RPF1: variants seen among roughly 807,000 people sequenced by gnomAD.
RPF1 encodes the protein ribosome production factor 1.
A neutral mutation model predicts 41.9 loss-of-function variants in RPF1; 34 were observed. The observed-to-expected ratio is 0.81, with a 90% CI of 0.62 to 1.08. The LOEUF (loss-of-function observed/expected upper bound fraction) is 1.08, where lower values mean the gene tolerates loss of function less well. Ranked by LOEUF, RPF1 falls within the 50% of genes least tolerant of loss-of-function variation. The pLI, the probability that RPF1 is intolerant of heterozygous loss-of-function variation, is 0.00. For missense variants in RPF1, 425 were observed against 435.2 expected (o/e 0.98, Z 0.21); for synonymous variants, 140 against 148.9 (o/e 0.94, Z 0.43).
intron 3 of RPF1, among the ~76,000 whole-genome samples, chr1:84,486,203 A>T (rs537688999): frequency 6.6e-6 from 1 of 152,150 alleles, no homozygotes; most frequent in Non-Finnish European, 1.5e-5. Context: ...TATGATGAAG[A>T]AGAAAGACCA....
chr1:84,490,224 A>C, intron 4 of RPF1, 95 bp from the exon 5 acceptor site: 2 of 782,054 alleles, frequency 2.6e-6, no homozygotes. Context: ...TATTAATCAT[A>C]ATAATTATTA....
chr1:84,479,298 A>G lies in RPF1; in HGVS notation c.17A>G (p.Asp6Gly), dbSNP rs773687459. 4.4e-6 allele frequency: 7 copies of G among 1,604,190 alleles called. No individual in the cohort carries two copies. Among genetic ancestry groups the G allele is most frequent in the African/African-American group, 1.3e-5 (1 of 74,188 alleles). Reference sequence around the variant, plus strand: ...GCCAAGACCATGGCGAAAGCCGGGGATAAGAGCAGCAGCAGCGGGAAGAAA... The same window carrying G: ...GCCAAGACCATGGCGAAAGCCGGGGGTAAGAGCAGCAGCAGCGGGAAGAAA... MAKAG[D>G]KSSSSGKKSL... The change falls in exon 1 of 9, where the codon GAT becomes GGT. Residue 6 changes from aspartate (D) to glycine (G), a missense_variant. Coordinates refer to ENST00000370654, the MANE Select transcript of RPF1 (RefSeq NM_025065.7).
intron 1 of RPF1, among the ~76,000 whole-genome samples, chr1:84,480,709 T>C (rs1681628753): frequency 6.6e-6 from 1 of 152,230 alleles, no homozygotes; most frequent in Non-Finnish European, 1.5e-5. Flanking sequence ...ATTTTAAATG[T>C]TCAAACTTGC....
chr1:84,480,580 A>C (rs1570343273), intron 1 of RPF1, among the ~76,000 whole-genome samples: 1 of 152,256 alleles, frequency 6.6e-6, no homozygotes, highest in Non-Finnish European at 1.5e-5. Context: ...CAAGAGAAGC[A>C]AGCAGCATAA....
chr1:84,489,564 C>T lies in RPF1; in HGVS notation c.367-69C>T, dbSNP rs1269880461. ...TCAGTGTCCAACAGTCCTGCTGATG[C>T]TACTTTTAGAATTCTGGCCCAGTAG... On this transcript the variant is annotated intron_variant, in intron 3 of 8. Transcript: ENST00000370654. The T allele has an allele frequency of 7.0e-6, 6 of 853,820 alleles. No individual in the cohort carries two copies. In the African/African-American group the frequency reaches 8.3e-5, roughly 12 times the overall value. The allele number at this position is 853,820 out of a possible 1,614,324, so 52.9% of individuals were successfully genotyped here.
chr1:84,487,417 T>G (rs1681755475), intron 3 of RPF1, among the ~76,000 whole-genome samples: 1 of 152,172 alleles, frequency 6.6e-6, no homozygotes, highest in Non-Finnish European at 1.5e-5. Flanking sequence ...TCTTTAGAGA[T>G]AAGCCAGTTC....
At chr1:84,486,772 G>T (rs1263691752) in intron 3 of RPF1, among the ~76,000 whole-genome samples, 1 of 152,064 alleles carries the variant, frequency 6.6e-6, no homozygotes, top group African/African-American at 2.4e-5. Context: ...TACAATGAAA[G>T]TGGTGAGAAT....
Position 84,497,976 on chromosome 1 carries a change from G to A in RPF1, c.*506G>A, listed in dbSNP as rs1032595113. Among the ~76,000 whole-genome samples the A allele has an allele frequency of 6.6e-6, 1 of 152,192 alleles. No homozygotes were observed. The highest frequency in any genetic ancestry group is 6.5e-5 in the Admixed American group (1 of 15,278). ...TAAAGCAAAGTTGCAAATTACTGAA[G>A]CTAATCTTTGCTTCCTGATTTTGAG... On this transcript the variant is annotated 3_prime_UTR_variant, in exon 9 of 9. Coordinates refer to ENST00000370654, the MANE Select transcript of RPF1 (RefSeq NM_025065.7).
chr1:84,491,542 G>T (rs1681835669), intron 5 of RPF1, among the ~76,000 whole-genome samples: 1 of 152,036 alleles, frequency 6.6e-6, no homozygotes, highest in South Asian at 2.1e-4. Context: ...TGTTTTGTTG[G>T]CCATATTATA....
intron 5 of RPF1, among the ~76,000 whole-genome samples, chr1:84,492,178 T>A (rs1681845642): frequency 6.6e-6 from 1 of 151,682 alleles, no homozygotes; most frequent in South Asian, 2.1e-4. Flanking sequence ...AAAATGGTGA[T>A]TATCCTAGAG....
At chr1:84,497,305 C>A in intron 8 of RPF1, 124 bp from the exon 9 acceptor site, 1 of 696,240 alleles carries the variant, frequency 1.4e-6, no homozygotes, top group South Asian at 1.9e-5. Flanking sequence ...CGCACAAACC[C>A]GGTTTTTCAG....
chr1:84,483,326 G>C (rs1200424083), intron 3 of RPF1: 1 of 226,062 alleles, frequency 4.4e-6, no homozygotes, highest in East Asian at 1.1e-4. Flanking sequence ...GAGTGCAGTG[G>C]TGTGATCTCG....
Position 84,496,073 on chromosome 1 carries a change from G to A in RPF1, c.881+10G>A. Reference sequence around the variant, plus strand: ...TCTTCAGATTTCACAGGTGAGGAAGGTAAACTCATTGAACTTTGATTTCAA... The same window carrying A: ...TCTTCAGATTTCACAGGTGAGGAAGATAAACTCATTGAACTTTGATTTCAA... On this transcript the variant is annotated intron_variant, in intron 7 of 8. Transcript: ENST00000370654. The A allele has an allele frequency of 6.3e-7, 1 of 1,578,822 alleles. No individual in the cohort carries two copies. The highest frequency in any genetic ancestry group is 8.6e-7 in the Non-Finnish European group (1 of 1,161,290).
intron 3 of RPF1, among the ~76,000 whole-genome samples, chr1:84,483,487 G>T (rs986020438): frequency 2.0e-5 from 3 of 152,034 alleles, no homozygotes; most frequent in Admixed American, 2.0e-4. Context: ...GGCTGGTCTC[G>T]AACTCCTGAT....
chr1:84,495,238 T>C (rs1043142703), intron 5 of RPF1, 135 bp from the exon 6 acceptor site: 39 of 597,238 alleles, frequency 6.5e-5, no homozygotes, highest in Non-Finnish European at 9.6e-5. Flanking sequence ...AAAATGTCAC[T>C]TCAGAGGAAT....
chr1:84,491,384 T>C (rs1681832886), intron 5 of RPF1, among the ~76,000 whole-genome samples: 1 of 152,192 alleles, frequency 6.6e-6, no homozygotes, highest in Non-Finnish European at 1.5e-5. Flanking sequence ...AACATTTTAT[T>C]TCTAATATCA....
Position 84,480,982 on chromosome 1 carries a change from TAAA to T in RPF1, c.259_261del (p.Lys87del). 1 of 1,596,194 alleles carries T rather than the reference TAAA, an allele frequency of 6.3e-7. No individual in the cohort carries two copies. Among genetic ancestry groups the T allele is most frequent in the Non-Finnish European group, 8.6e-7 (1 of 1,166,846 alleles). On this transcript the variant is annotated inframe_deletion, in exon 2 of 9. Transcript: ENST00000370654. ...AAAAGTTGGCAGCTAAGAAAAAACT[TAAA>T]AAAGAAAGAGAGGCTCTTGGCGATA...
At chr1:84,496,605 T>C (rs1570355410) in intron 8 of RPF1, among the ~76,000 whole-genome samples, 1 of 150,194 alleles carries the variant, frequency 6.7e-6, no homozygotes, top group Non-Finnish European at 1.5e-5. Flanking sequence ...CTGGGTCTGG[T>C]GATTAACCTT....
chr1:84,480,906 A>G (rs1681634145), intron 1 of RPF1, 50 bp from the exon 2 acceptor site: 1 of 975,504 alleles, frequency 1.0e-6, no homozygotes, highest in Non-Finnish European at 1.6e-6. Context: ...TGTGTTTGTG[A>G]TATAACTGGT....
Sources: gnomAD v4.1 joint callset for allele counts (sites outside exome capture counted in the v4.1 genomes callset) on GRCh38, gnomAD v4.1.1 for gene constraint, MANE v1.5 for transcripts, NCBI Gene and HGNC (gene_info 2026-07-23, HGNC 2026-07-21) for gene names.